The following PPP2R2B variants were observed in gnomAD, a reference collection of about 807,000 sequenced individuals.
PPP2R2B encodes protein phosphatase 2 regulatory subunit Bbeta.
PPP2R2B carries 5 observed loss-of-function variants against 46.0 expected under a neutral mutation model. The ratio of observed to expected loss-of-function variants is 0.11; its 90% CI spans 0.06 to 0.23. The LOEUF is 0.23. Ranked by LOEUF, PPP2R2B falls within the 10% of genes least tolerant of loss-of-function variation. The pLI is 1.00. For missense variants in PPP2R2B, 367 were observed against 575.0 expected (o/e 0.64, Z 3.70); for synonymous variants, 215 against 206.7 (o/e 1.04, Z -0.34).
At chr5:146,765,936 T>G (rs1264732862) in intron 2 of PPP2R2B, among the ~76,000 whole-genome samples, 2 of 152,230 alleles carry the variant, frequency 1.3e-5, no homozygotes, top group Non-Finnish European at 2.9e-5. Context: ...TTTGGGAAAG[T>G]GTTTAGACTG....
chr5:146,600,205 C>T (rs555928663), intron 8 of PPP2R2B, 86 bp downstream of exon 8: 45 of 1,435,458 alleles, frequency 3.1e-5, no homozygotes, highest in South Asian at 1.2e-4. Flanking sequence ...CATTTTGCTG[C>T]ACTGTAAACC....
At chr5:146,840,428 T>TA (rs1279376081) in intron 2 of PPP2R2B, among the ~76,000 whole-genome samples, 3 of 152,210 alleles carry the variant, frequency 2.0e-5, no homozygotes, top group Non-Finnish European at 4.4e-5. Flanking sequence ...TAGCATATAG[T>TA]AGTTGCTTAA....
chr5:146,997,792 C>T (rs1753989136), intron 1 of PPP2R2B, among the ~76,000 whole-genome samples: 1 of 152,012 alleles, frequency 6.6e-6, no homozygotes, highest in Non-Finnish European at 1.5e-5. Flanking sequence ...TCTCTATAGA[C>T]AAAGGAGGAA....
In PPP2R2B at chr5:146,583,000, C is replaced by T. The variant is rs553694048; in HGVS notation, c.*6947G>A. On this transcript the variant is annotated 3_prime_UTR_variant, in exon 10 of 10. Transcript: ENST00000394411. ...ATGCATTATTGCCCACTCACCTTAC[C>T]ATGTCTCCTTATTTCTCTTGGTCTG... The T allele has an allele frequency of 8.5e-5, 13 of 152,260 alleles. No homozygotes were observed. The East Asian group carries it at 1.7e-3, about 20-fold the overall frequency. The allele number at this position is 152,260 out of a possible 1,614,324, so 9.4% of individuals were successfully genotyped here. A position where few individuals can be genotyped will look rare whatever the true frequency, so the allele number is the denominator to read the frequency against.
chr5:147,028,544 T>C (rs1755632458), intron 1 of PPP2R2B, among the ~76,000 whole-genome samples: 1 of 152,240 alleles, frequency 6.6e-6, no homozygotes, highest in Non-Finnish European at 1.5e-5. Flanking sequence ...TTGTAAGCTG[T>C]CCTTTGTATA....
Position 146,878,158 on chromosome 5 carries a change from G to C in PPP2R2B, c.-87C>G. 2 of 1,606,278 alleles carry C rather than the reference G, an allele frequency of 1.2e-6. No individual in the cohort carries two copies. Among genetic ancestry groups the C allele is most frequent in the Non-Finnish European group, 1.7e-6 (2 of 1,176,090 alleles). ...CCGCAGCCAGTCTCACAGGAGAGGG[G>C]GGCAGGGGAGCCAGTGGGACTGCAC... On this transcript the variant is annotated 5_prime_UTR_variant, in exon 2 of 10. Transcript: ENST00000394411. The surrounding 1 kb of genome is among the most constrained non-coding windows in gnomAD (Gnocchi z 4.5).
At chr5:146,592,280 T>C (rs1362343104) in intron 9 of PPP2R2B, 3 of 257,106 alleles carry the variant, frequency 1.2e-5, no homozygotes, top group Non-Finnish European at 2.4e-5. Context: ...TCATATTCAC[T>C]GAAAGCTTGA....
chr5:146,592,155 T>G (rs1411125724), intron 9 of PPP2R2B: 1 of 446,838 alleles, frequency 2.2e-6, no homozygotes, highest in Non-Finnish European at 4.5e-6. Context: ...CTGGTCAGTG[T>G]GACTTGGGTC....
intron 1 of PPP2R2B, among the ~76,000 whole-genome samples, chr5:146,993,966 ACTT>A (rs553013526): frequency 1.8e-3 from 280 of 152,188 alleles, no homozygotes; most frequent in African/African-American, 6.1e-3. Context: ...CCTGCAGAAA[ACTT>A]CTTCTCATTA....
intron 2 of PPP2R2B, among the ~76,000 whole-genome samples, chr5:146,790,621 G>T (rs948908870): frequency 1.4e-4 from 22 of 152,308 alleles, no homozygotes; most frequent in Admixed American, 8.5e-4. Flanking sequence ...CCCAATGTCT[G>T]TCTTCACCTC....
intron 7 of PPP2R2B, among the ~76,000 whole-genome samples, chr5:146,623,069 G>A (rs1455157445): frequency 1.3e-5 from 2 of 152,274 alleles, no homozygotes; most frequent in East Asian, 1.9e-4. Flanking sequence ...GTCAGGGATG[G>A]CCCTTGGAAT....
At chr5:146,980,254 T>C (rs1432510356) in intron 1 of PPP2R2B, among the ~76,000 whole-genome samples, 2 of 152,156 alleles carry the variant, frequency 1.3e-5, no homozygotes, top group Admixed American at 6.5e-5. Flanking sequence ...GGGCATATAC[T>C]GAAGATAAGG....
At chr5:146,698,222 C>T (rs1380418607) in intron 3 of PPP2R2B, 78 bp from the exon 4 acceptor site, 1 of 1,307,206 alleles carries the variant, frequency 7.6e-7, no homozygotes, top group Non-Finnish European at 1.0e-6. Context: ...CCTTTTTTTT[C>T]CAGCAGTCAT....
At chr5:146,625,061 T>A (rs1299772894) in intron 7 of PPP2R2B, among the ~76,000 whole-genome samples, 1 of 152,240 alleles carries the variant, frequency 6.6e-6, no homozygotes, top group East Asian at 1.9e-4. Flanking sequence ...CTGGGACATG[T>A]GAAGCAACAA....
intron 2 of PPP2R2B, among the ~76,000 whole-genome samples, chr5:147,066,049 C>T (rs371011329): frequency 6.6e-6 from 1 of 152,204 alleles, no homozygotes; most frequent in East Asian, 1.9e-4. Context: ...GACTGACTCC[C>T]GAGTCAGGTT....
At chr5:146,739,938 AACCT>A (rs1752765541) in intron 2 of PPP2R2B, among the ~76,000 whole-genome samples, 2 of 152,250 alleles carry the variant, frequency 1.3e-5, no homozygotes, top group African/African-American at 4.8e-5. Flanking sequence ...GAGTATCCTT[AACCT>A]AGATTCCTTG....
chr5:146,915,383 T>C (rs1763345567), intron 1 of PPP2R2B, among the ~76,000 whole-genome samples: 1 of 152,008 alleles, frequency 6.6e-6, no homozygotes, highest in African/African-American at 2.4e-5. Context: ...TGCCCAGCTC[T>C]CTCTCATTCA....
At chr5:146,791,697 A>C (rs1429116881) in intron 2 of PPP2R2B, among the ~76,000 whole-genome samples, 2 of 152,212 alleles carry the variant, frequency 1.3e-5, no homozygotes, top group Non-Finnish European at 2.9e-5. Context: ...GAAATCCATC[A>C]GTTCTTCCAT....
chr5:146,807,221 T>C (rs995554229), intron 2 of PPP2R2B, among the ~76,000 whole-genome samples: 1 of 152,210 alleles, frequency 6.6e-6, no homozygotes, highest in African/African-American at 2.4e-5. Flanking sequence ...TCTATAATTA[T>C]ACTATAAGTG....
Sources: gnomAD v4.1 joint callset for allele counts (sites outside exome capture counted in the v4.1 genomes callset) on GRCh38, gnomAD v4.1.1 for gene constraint, Gnocchi (gnomAD v3.1) non-coding constraint, MANE v1.5 for transcripts, NCBI Gene and HGNC (gene_info 2026-07-23, HGNC 2026-07-21) for gene names.